Variants in SORCS3 observed in about 807,000 individuals in gnomAD.
The protein encoded by SORCS3 is VPS10 domain-containing receptor SorCS3.
In SORCS3, 57 loss-of-function variants were observed where a neutral mutation model predicts 146.3. The observed-to-expected ratio is 0.39, with a 90% CI of 0.31 to 0.49. The LOEUF is 0.49. Among genes scored for constraint, SORCS3 ranks in the 20% least tolerant of loss-of-function variants. SORCS3 has a pLI of 0.92. For missense variants in SORCS3, 1,341 were observed against 1,575.5 expected (o/e 0.85, Z 2.52); for synonymous variants, 653 against 618.5 (o/e 1.06, Z -0.83).
At chr10:105,000,663 C>T (rs2055055641) in intron 4 of SORCS3, among the ~76,000 whole-genome samples, 1 of 152,066 alleles carries the variant, frequency 6.6e-6, no homozygotes, top group African/African-American at 2.4e-5. Context: ...TGTGTCAATT[C>T]CTATGCTACC....
chr10:105,206,197 T>A (rs2056601088), intron 16 of SORCS3, among the ~76,000 whole-genome samples: 1 of 152,172 alleles, frequency 6.6e-6, no homozygotes, highest in South Asian at 2.1e-4. Context: ...TATACAAACT[T>A]TATAAAATAT....
At chr10:104,703,053 C>T (rs955898695) in intron 1 of SORCS3, among the ~76,000 whole-genome samples, 3 of 152,118 alleles carry the variant, frequency 2.0e-5, no homozygotes, top group Admixed American at 6.5e-5. Context: ...CACTTCAAAT[C>T]GATTGATTAT....
At chr10:104,723,117 G>A (rs1015013500) in intron 1 of SORCS3, among the ~76,000 whole-genome samples, 12 of 152,184 alleles carry the variant, frequency 7.9e-5, no homozygotes, top group Non-Finnish European at 1.6e-4. Context: ...TGGGCATTCA[G>A]TGCTATAAAT....
At chr10:105,076,285 C>T (rs1461249547) in intron 5 of SORCS3, among the ~76,000 whole-genome samples, 2 of 152,128 alleles carry the variant, frequency 1.3e-5, no homozygotes, top group African/African-American at 2.4e-5. Context: ...ATAGAAGAGA[C>T]GAACTTTTGT....
intron 2 of SORCS3, among the ~76,000 whole-genome samples, chr10:104,902,828 G>T (rs996814606): frequency 3.3e-5 from 5 of 152,198 alleles, no homozygotes; most frequent in Non-Finnish European, 7.3e-5. Flanking sequence ...GGAAACTGAG[G>T]CCTGGAAAGG....
At chr10:104,738,871 A>G (rs1004584918) in intron 1 of SORCS3, among the ~76,000 whole-genome samples, 2 of 152,208 alleles carry the variant, frequency 1.3e-5, no homozygotes, top group Non-Finnish European at 2.9e-5. Flanking sequence ...TTCCCTGCCA[A>G]TACCCACAGG....
chr10:104,945,853 T>C (rs2019365249), intron 3 of SORCS3, among the ~76,000 whole-genome samples: 1 of 151,948 alleles, frequency 6.6e-6, no homozygotes, highest in South Asian at 2.1e-4. Context: ...CTGGAGAAGC[T>C]GAGATGGCTT....
At chr10:104,882,773 C>G (rs1436950801) in intron 2 of SORCS3, among the ~76,000 whole-genome samples, 1 of 152,200 alleles carries the variant, frequency 6.6e-6, no homozygotes, top group African/African-American at 2.4e-5. Flanking sequence ...CAGTGCCACT[C>G]CTGGCCACAG....
chr10:105,245,438 G>C, intron 20 of SORCS3, 104 bp from the exon 21 acceptor site: 1 of 1,386,356 alleles, frequency 7.2e-7, no homozygotes, highest in Non-Finnish European at 9.9e-7. Flanking sequence ...TTGTTTGTTT[G>C]TTTTTCTTTT....
intron 1 of SORCS3, among the ~76,000 whole-genome samples, chr10:104,672,969 C>T (rs192250673): frequency 6.6e-6 from 1 of 152,114 alleles, no homozygotes; most frequent in Admixed American, 6.5e-5. Flanking sequence ...TTGCATTTTC[C>T]TGCTGTTCTG....
At chr10:104,867,519 C>T (rs1450936454) in intron 2 of SORCS3, among the ~76,000 whole-genome samples, 1 of 152,016 alleles carries the variant, frequency 6.6e-6, no homozygotes, top group Admixed American at 6.5e-5. Context: ...TCATGTTAAC[C>T]AGGATGGTCT....
At chr10:105,049,994 A>G (rs1399739132) in intron 5 of SORCS3, among the ~76,000 whole-genome samples, 1 of 151,588 alleles carries the variant, frequency 6.6e-6, no homozygotes, top group Non-Finnish European at 1.5e-5. Context: ...AGAACACTAG[A>G]AAAACTATAT....
intron 4 of SORCS3, among the ~76,000 whole-genome samples, chr10:105,027,697 C>T (rs1411481343): frequency 6.6e-6 from 1 of 152,178 alleles, no homozygotes; most frequent in Non-Finnish European, 1.5e-5. Context: ...CTGATGCTGT[C>T]CACAAGTGTC....
chr10:104,734,253 T>G lies in SORCS3; in HGVS notation c.627+92299T>G, dbSNP rs537215839. Among the ~76,000 whole-genome samples, 4 of 152,282 alleles carry G rather than the reference T, an allele frequency of 2.6e-5. No individual in the cohort carries two copies. The South Asian group carries it at 8.3e-4, about 32-fold the overall frequency. ...TACCATTAGAGATGCAATTCTTTAT[T>G]GTAAGGGTGAATATCTGTAGTCCCG... On this transcript the variant is annotated intron_variant, in intron 1 of 26. Transcript: ENST00000369701.
At chr10:105,030,804 G>C (rs967097481) in intron 4 of SORCS3, among the ~76,000 whole-genome samples, 3 of 151,770 alleles carry the variant, frequency 2.0e-5, no homozygotes, top group Non-Finnish European at 4.4e-5. Context: ...TGTTGGTCAG[G>C]CTGGTCTTGA....
intron 1 of SORCS3, among the ~76,000 whole-genome samples, chr10:104,781,890 A>G (rs1429532963): frequency 2.6e-5 from 4 of 152,212 alleles, no homozygotes; most frequent in Non-Finnish European, 5.9e-5. Flanking sequence ...TTGTTCTGCC[A>G]TCATTTGCTC....
chr10:104,864,869 A>T (rs1159478327), intron 2 of SORCS3, among the ~76,000 whole-genome samples: 1 of 152,056 alleles, frequency 6.6e-6, no homozygotes, highest in Non-Finnish European at 1.5e-5. Context: ...AAATATTCTC[A>T]TTCTTCTCCC....
chr10:104,726,257 C>T (rs958919001), intron 1 of SORCS3, among the ~76,000 whole-genome samples: 1 of 152,222 alleles, frequency 6.6e-6, no homozygotes, highest in Non-Finnish European at 1.5e-5. Context: ...AGAATGGACA[C>T]CTTCCCCTCT....
At chr10:105,122,308 T>C (rs2055939529) in intron 7 of SORCS3, among the ~76,000 whole-genome samples, 1 of 152,232 alleles carries the variant, frequency 6.6e-6, no homozygotes, top group African/African-American at 2.4e-5. Flanking sequence ...AATAATCATT[T>C]TGAATTTCTG....
Sources: allele counts gnomAD v4.1 joint callset (sites outside exome capture counted in the v4.1 genomes callset), GRCh38; gene constraint gnomAD v4.1.1; transcripts MANE v1.5; gene names NCBI Gene and HGNC (gene_info 2026-07-23, HGNC 2026-07-21).